Variants in SHANK2 observed in about 807,000 individuals in gnomAD.
SHANK2 encodes SH3 and multiple ankyrin repeat domains protein 2.
Under a neutral mutation model 133.7 loss-of-function variants are expected in SHANK2, and 43 were observed. The ratio of observed to expected loss-of-function variants is 0.32; its 90% CI spans 0.25 to 0.41. The LOEUF (loss-of-function observed/expected upper bound fraction) is 0.41, where lower values mean the gene tolerates loss of function less well. Ranked by LOEUF, SHANK2 falls within the 10% of genes least tolerant of loss-of-function variation. The pLI, the probability that SHANK2 is intolerant of heterozygous loss-of-function variation, is 1.00. For synonymous variants in SHANK2, 1,017 were observed against 952.8 expected (o/e 1.07, Z -1.24); for missense variants, 1,994 against 2,235.8 (o/e 0.89, Z 2.18).
intron 17 of SHANK2, among the ~76,000 whole-genome samples, chr11:70,513,176 A>C (rs1380570260): frequency 6.7e-6 from 1 of 149,952 alleles, no homozygotes; most frequent in African/African-American, 2.5e-5. Flanking sequence ...TTTTTTTTTT[A>C]AATCCAGATC....
chr11:70,676,476 G>A (rs1471270388), intron 15 of SHANK2, among the ~76,000 whole-genome samples: 1 of 152,190 alleles, frequency 6.6e-6, no homozygotes, highest in Admixed American at 6.5e-5. Flanking sequence ...TGGAGCTATG[G>A]CTGCCATCTT....
intron 6 of SHANK2, among the ~76,000 whole-genome samples, chr11:71,109,549 T>A (rs1447259329): frequency 1.3e-5 from 2 of 152,186 alleles, no homozygotes; most frequent in Non-Finnish European, 2.9e-5. Flanking sequence ...CAGATGCCCA[T>A]CTGCTGGGCT....
At chr11:70,829,325 G>A (rs544124471) in intron 11 of SHANK2, among the ~76,000 whole-genome samples, 4 of 152,266 alleles carry the variant, frequency 2.6e-5, no homozygotes, top group East Asian at 3.9e-4. Flanking sequence ...GACCCTCAGC[G>A]GCCACCGTCC....
chr11:70,703,934 C>A (rs926898715), intron 14 of SHANK2, among the ~76,000 whole-genome samples: 3 of 152,244 alleles, frequency 2.0e-5, no homozygotes, highest in Non-Finnish European at 4.4e-5. Flanking sequence ...TGGGCTCCTG[C>A]AGTTCCCATG....
rs2135822890 is a variant in SHANK2 at position 70,502,272 on chromosome 11, T to C, written c.2212A>G (p.Lys738Glu). Residue 738 changes from lysine to glutamate, a missense_variant, in exon 19 of 26, where the codon AAG becomes GAG. Lys to Glu is a moderately conservative substitution (Grantham distance 56). Transcript: ENST00000601538. ...TARKKAPPPP[K>E]RAPTTALTLR... ...GTGAGGGCTGTGGTCGGTGCCCGCT[T>C]TGGAGGCGGGGGAGCTGGAGGGCAG... The C allele has an allele frequency of 1.9e-6, 3 of 1,556,966 alleles. No individual in the cohort carries two copies. Among genetic ancestry groups the C allele is most frequent in the African/African-American group, 1.4e-5 (1 of 74,032 alleles).
intron 11 of SHANK2, among the ~76,000 whole-genome samples, chr11:70,850,291 T>C (rs542541495): frequency 2.0e-3 from 305 of 152,304 alleles, no homozygotes; most frequent in Non-Finnish European, 3.6e-3. Context: ...CACCTGAAAC[T>C]TGAACCTAGA....
chr11:70,661,152 A>G (rs1591718839), intron 16 of SHANK2, among the ~76,000 whole-genome samples: 1 of 152,010 alleles, frequency 6.6e-6, no homozygotes, highest in Non-Finnish European at 1.5e-5. Context: ...GCCAAAGCCC[A>G]CTCCCAGAAT....
chr11:70,939,773 C>T (rs563588288), intron 10 of SHANK2, among the ~76,000 whole-genome samples: 12 of 152,264 alleles, frequency 7.9e-5, no homozygotes, highest in East Asian at 3.9e-4. Context: ...GGCAGAACAA[C>T]GGCCTAGAAG....
chr11:70,621,507 C>G (rs2060828909), intron 17 of SHANK2, among the ~76,000 whole-genome samples: 1 of 152,234 alleles, frequency 6.6e-6, no homozygotes, highest in Non-Finnish European at 1.5e-5. Context: ...CCCTACAGCA[C>G]CCTTGGCGAG....
intron 11 of SHANK2, among the ~76,000 whole-genome samples, chr11:70,855,044 T>G (rs2135480906): frequency 6.6e-6 from 1 of 152,314 alleles, no homozygotes; most frequent in East Asian, 1.9e-4. Context: ...GTCCTGAAAA[T>G]CTGGACACTC....
At chr11:70,874,537 A>G (rs963140714) in intron 11 of SHANK2, among the ~76,000 whole-genome samples, 2 of 152,198 alleles carry the variant, frequency 1.3e-5, no homozygotes, top group African/African-American at 2.4e-5. Context: ...CAGTCATGTA[A>G]TAACCATCAT....
intron 10 of SHANK2, among the ~76,000 whole-genome samples, chr11:70,900,312 C>A (rs1950005254): frequency 6.6e-6 from 1 of 151,956 alleles, no homozygotes; most frequent in African/African-American, 2.4e-5. Context: ...CAAGATCGTG[C>A]CACTGCACTC....
chr11:71,174,572 T>C (rs894000835), intron 2 of SHANK2: 11 of 149,266 alleles, frequency 7.4e-5, no homozygotes, highest in African/African-American at 2.7e-4. Context: ...CCCAGCTACT[T>C]GGGAGGCTGA....
intron 17 of SHANK2, among the ~76,000 whole-genome samples, chr11:70,601,006 G>T (rs1222473689): frequency 7.1e-6 from 1 of 141,816 alleles, no homozygotes; most frequent in South Asian, 2.2e-4. Context: ...CTAAAGATTA[G>T]TAAAGAGAAT....
At chr11:70,787,760 C>T (rs1446768253) in intron 14 of SHANK2, among the ~76,000 whole-genome samples, 1 of 152,186 alleles carries the variant, frequency 6.6e-6, no homozygotes, top group Non-Finnish European at 1.5e-5. Context: ...AAAATCTTAA[C>T]ATCTCAGAGG....
intron 17 of SHANK2, among the ~76,000 whole-genome samples, chr11:70,602,117 C>T (rs993156112): frequency 2.0e-5 from 3 of 152,138 alleles, no homozygotes; most frequent in Admixed American, 2.0e-4. Flanking sequence ...TGGCAGCTCC[C>T]CCTTGCTTGC....
intron 8 of SHANK2, among the ~76,000 whole-genome samples, chr11:71,083,513 G>A (rs1039515347): frequency 3.3e-5 from 5 of 152,170 alleles, no homozygotes; most frequent in East Asian, 1.9e-4. Context: ...GCCAGCGAGC[G>A]ATGAGGTGGG....
At chr11:71,220,878 T>G (rs1233802966) in intron 2 of SHANK2, among the ~76,000 whole-genome samples, 9 of 152,142 alleles carry the variant, frequency 5.9e-5, no homozygotes, top group African/African-American at 2.2e-4. Context: ...ATAAATGTGC[T>G]TAATGCCACT....
chr11:70,478,765 C>T (rs1001680659), intron 25 of SHANK2, among the ~76,000 whole-genome samples: 29 of 152,228 alleles, frequency 1.9e-4, no homozygotes, highest in East Asian at 1.2e-3. Flanking sequence ...AACAGGGGTG[C>T]GATAAATAAT....
Sources: gnomAD v4.1 joint callset for allele counts (sites outside exome capture counted in the v4.1 genomes callset) on GRCh38, gnomAD v4.1.1 for gene constraint, MANE v1.5 for transcripts, NCBI Gene and HGNC (gene_info 2026-07-23, HGNC 2026-07-21) for gene names.